Variants in JUP observed in about 807,000 individuals in gnomAD.
The protein encoded by JUP is junction plakoglobin.
JUP carries 28 observed loss-of-function variants against 71.1 expected under a neutral mutation model. The observed-to-expected ratio is 0.39, with a 90% CI of 0.29 to 0.54. The LOEUF (loss-of-function observed/expected upper bound fraction) is 0.54. Among genes scored for constraint, JUP ranks in the 20% least tolerant of loss-of-function variants. The pLI is 0.62. For missense variants in JUP, 869 were observed against 1,030.1 expected, an observed-to-expected ratio of 0.84 and a Z score of 2.14; for synonymous variants, 401 against 438.9, an observed-to-expected ratio of 0.91 and a Z score of 1.08.
chr17:41,775,487 G>C (rs12450138), intron 1 of JUP, among the ~76,000 whole-genome samples: 5,579 of 152,236 alleles, frequency 0.037, 193 homozygotes, highest in East Asian at 0.18. Context: ...GGGTGGAGGG[G>C]GCCACACCCA....
chr17:41,757,382 A>G, intron 12 of JUP, 33 bp downstream of exon 12: 1 of 1,613,888 alleles, frequency 6.2e-7, no homozygotes, highest in Admixed American at 1.7e-5. Context: ...AACTTGCACA[A>G]CCAACTACTG....
At chr17:41,756,828 A>G (rs1913888653) in intron 12 of JUP, among the ~76,000 whole-genome samples, 2 of 152,078 alleles carry the variant, frequency 1.3e-5, no homozygotes, top group Non-Finnish European at 2.9e-5. Context: ...TGAAACCGGG[A>G]GGCGGAGGTT....
At position 41,763,369 on chromosome 17, in the gene JUP, G is replaced by C. The variant is rs1555602525; in HGVS notation, c.1159-48C>G. 6 of 1,428,474 alleles carry C rather than the reference G, an allele frequency of 4.2e-6. No homozygotes were observed. The Admixed American group carries it at 8.5e-5, about 20-fold the overall frequency. The allele number at this position is 1,428,474 out of a possible 1,614,324, so 88.5% of individuals were successfully genotyped here. On this transcript the variant is annotated intron_variant, in intron 7 of 13. Transcript: ENST00000393931. ...GGGAGTCAGGGAGCAGCCAACTCCA[G>C]GGAGCCTTCTCGAATATGTCCAAGG...
intron 1 of JUP, among the ~76,000 whole-genome samples, chr17:41,779,008 G>A (rs188883317): frequency 1.5e-4 from 23 of 151,984 alleles, no homozygotes; most frequent in African/African-American, 4.3e-4. Flanking sequence ...AGGCCAAGGC[G>A]GGTGGATCAC....
Position 41,755,605 on chromosome 17 carries a change from T to C in JUP, c.*139A>G, listed in dbSNP as rs1460202062. The C allele has an allele frequency of 1.8e-5, 15 of 828,840 alleles. No individual in the cohort carries two copies. The highest frequency in any genetic ancestry group is 2.7e-5 in the Non-Finnish European group (15 of 558,768). The allele number at this position is 828,840 out of a possible 1,614,324, so 51.3% of individuals were successfully genotyped here. ...AAGGCAGGCCAGGGCACACCGTGCT[T>C]GGGGAAGCTCAGCAGCAAAGGATCC... On this transcript the variant is annotated 3_prime_UTR_variant, in exon 14 of 14. Coordinates refer to ENST00000393931, the MANE Select transcript of JUP (RefSeq NM_002230.4).
In JUP at chr17:41,755,824, T is replaced by C. The variant is rs782191490; in HGVS notation, c.2158A>G (p.Met720Val). The change falls in exon 14 of 14, where the codon ATG becomes GTG. Residue 720 changes from methionine to valine, a missense_variant. Physicochemically the swap from Met to Val is conservative, Grantham distance 21. Transcript: ENST00000393931. ...GTGTCGATGGGGTAGTCTCCATCCA[T>C]GTCCATGTGCATCTCCAGCGGGTCA... ...PLDPLEMHMD[M>V]DGDYPIDTYS... The C allele has an allele frequency of 3.7e-6, 6 of 1,613,404 alleles. No homozygotes were observed. Among genetic ancestry groups the C allele is most frequent in the South Asian group, 2.2e-5 (2 of 91,004 alleles).
intron 1 of JUP, among the ~76,000 whole-genome samples, chr17:41,779,832 AT>A (rs540094732): frequency 0.019 from 2,637 of 139,598 alleles, 24 homozygotes; most frequent in Middle Eastern, 0.049. Context: ...TGCTTGGCTA[AT>A]TTTTTTTTTT....
chr17:41,781,860 G>A (rs892099197), intron 1 of JUP, among the ~76,000 whole-genome samples: 6 of 152,128 alleles, frequency 3.9e-5, no homozygotes, highest in Admixed American at 1.3e-4. Flanking sequence ...TCTAGACTGC[G>A]TCCCTTCAGT....
chr17:41,754,710 C>CA lies in JUP; in HGVS notation c.*1033dup, dbSNP rs1183526127. ...TAAAACACTCTGCTTGGACCTCCCC[C>CA]AGCCCCCCACACCATGTGCGGGAAA... On this transcript the variant is annotated 3_prime_UTR_variant, in exon 14 of 14. Transcript: ENST00000393931. The CA allele has an allele frequency of 2.0e-5, 3 of 152,808 alleles. No homozygotes were observed. In the East Asian group the frequency reaches 5.8e-4, roughly 29 times the overall value. The allele number at this position is 152,808 out of a possible 1,614,324, so 9.5% of individuals were successfully genotyped here.
At chr17:41,758,242 G>A (rs1258148089) in intron 10 of JUP, 157 bp downstream of exon 10, 2 of 797,988 alleles carry the variant, frequency 2.5e-6, no homozygotes, top group Non-Finnish European at 2.0e-6. Context: ...GCCCATGCAG[G>A]GGGTTGCTAA....
rs1555598750 is a variant in JUP, at chr17:41,757,533, G to C, written c.1928C>G (p.Thr643Ser). The stretch of plus-strand genomic sequence containing the variant: ...GCGGAACAGGACGGCAGCAGCGTAG[G>C]TGGCTGAGCAGAGAGGAAAGGAAAA... ...LLHSRNEGTA[T>S]YAAAVLFRIS... is the part of the protein sequence containing the mutation. Residue 643 changes from threonine to serine, a missense_variant, in exon 12 of 14, where the codon ACC becomes AGC. Thr to Ser is a moderately conservative substitution (Grantham distance 58). Coordinates refer to ENST00000393931, the MANE Select transcript of JUP (RefSeq NM_002230.4). 6.2e-7 allele frequency: 1 copy of C among 1,614,228 alleles called. No homozygotes were observed. Among genetic ancestry groups the C allele is most frequent in the East Asian group, 2.2e-5 (1 of 44,878 alleles).
intron 1 of JUP, among the ~76,000 whole-genome samples, chr17:41,783,713 G>A (rs1451316840): frequency 6.6e-6 from 1 of 151,816 alleles, no homozygotes; most frequent in Non-Finnish European, 1.5e-5. Context: ...GAGGTCAGGA[G>A]ATCAAGACCA....
chr17:41,770,993 T>C (rs1460241185), intron 2 of JUP, among the ~76,000 whole-genome samples: 1 of 152,216 alleles, frequency 6.6e-6, no homozygotes, highest in East Asian at 1.9e-4. Context: ...ATCCATGGGC[T>C]CCCTGAGAGC....
intron 1 of JUP, among the ~76,000 whole-genome samples, chr17:41,781,205 A>C: frequency 6.6e-6 from 1 of 150,548 alleles, no homozygotes; most frequent in African/African-American, 2.4e-5. Flanking sequence ...AAAAAAAAAA[A>C]TTAGCTGGGC....
rs368692517 is a variant in JUP, at chr17:41,763,025, G to C, written c.1455C>G (p.Ile485Met). ...SVRLNYGIPA[I>M]VKLLNQPNQW... ...GGTTGGGCTGGTTGAGCAGCTTCAC[G>C]ATGGCTGGGATGCCATAGTTGAGAC... Residue 485 changes from isoleucine (I) to methionine (M), a missense_variant, in exon 8 of 14, where the codon ATC becomes ATG. Coordinates refer to ENST00000393931, the MANE Select transcript of JUP (RefSeq NM_002230.4). The C allele has an allele frequency of 1.9e-6, 3 of 1,614,018 alleles. No homozygotes were observed. The highest frequency in any genetic ancestry group is 2.5e-6 in the Non-Finnish European group (3 of 1,180,014).
chr17:41,785,451 A>AC (rs1227784513), intron 1 of JUP, among the ~76,000 whole-genome samples: 2 of 151,360 alleles, frequency 1.3e-5, no homozygotes, highest in African/African-American at 4.9e-5. Context: ...AGCACTTTCC[A>AC]CCCCCCACCC....
intron 2 of JUP, among the ~76,000 whole-genome samples, chr17:41,769,967 T>C (rs897367519): frequency 2.0e-5 from 3 of 151,778 alleles, no homozygotes. Context: ...GCCCTGCTTA[T>C]ATTTTCTCAC....
intron 1 of JUP, among the ~76,000 whole-genome samples, chr17:41,778,428 G>A (rs1474423757): frequency 2.0e-5 from 3 of 152,028 alleles, no homozygotes; most frequent in Non-Finnish European, 4.4e-5. Flanking sequence ...TTAGCCGGGC[G>A]TGGTGGCATG....
Position 41,780,415 on chromosome 17 carries a change from C to T in JUP, c.-9+6173G>A, listed in dbSNP as rs143575080. On this transcript the variant is annotated intron_variant, in intron 1 of 13. Transcript: ENST00000393931. ...CTACCTCAAAAAAAGGAAAGAAGGC[C>T]GGGCGCAGTGGCTCACGCCTGTAAT... is the stretch of plus-strand genomic sequence containing the variant. 4.5e-3 allele frequency among the ~76,000 whole-genome samples: 669 copies of T among 150,016 alleles called. 2 individuals carry two copies. The highest frequency in any genetic ancestry group is 7.3e-3 in the Middle Eastern group (2 of 274).
Sources: gnomAD v4.1 joint callset for allele counts (sites outside exome capture counted in the v4.1 genomes callset) on GRCh38, gnomAD v4.1.1 for gene constraint, MANE v1.5 for transcripts, NCBI Gene and HGNC (gene_info 2026-07-23, HGNC 2026-07-21) for gene names.